The following DPY19L1 variants were observed in gnomAD, a reference collection of about 807,000 sequenced individuals.
The protein encoded by DPY19L1 is dpy-19 like C-mannosyltransferase 1.
Under a neutral mutation model 96.9 loss-of-function variants are expected in DPY19L1, and 35 were observed. The ratio of observed to expected loss-of-function variants is 0.36; its 90% CI spans 0.28 to 0.48. The LOEUF is 0.48. Among genes scored for constraint, DPY19L1 ranks in the 20% least tolerant of loss-of-function variants. DPY19L1 has a pLI of 0.99. For synonymous variants in DPY19L1, 205 were observed against 252.6 expected (o/e 0.81, Z 1.79); for missense variants, 521 against 777.9 (o/e 0.67, Z 3.93).
chr7:34,952,139 A>C (rs527652436), intron 13 of DPY19L1, among the ~76,000 whole-genome samples: 81 of 151,302 alleles, frequency 5.4e-4, no homozygotes, highest in African/African-American at 1.6e-3. Context: ...CAAAAAAAAA[A>C]CCCACAACAG....
chr7:34,931,243 G>C lies in DPY19L1; in HGVS notation c.*330C>G, dbSNP rs1279560310. ...AATCAGCCCCTACATTGTCAGAATT[G>C]TCCTGTATTTTCATGTCATCCTTGT... On this transcript the variant is annotated 3_prime_UTR_variant, in exon 22 of 22. Coordinates refer to ENST00000638088, the MANE Select transcript of DPY19L1 (RefSeq NM_001366673.1). 3 of 174,198 alleles carry C rather than the reference G, an allele frequency of 1.7e-5. No homozygotes were observed. Among genetic ancestry groups the C allele is most frequent in the African/African-American group, 7.1e-5 (3 of 42,272 alleles). 10.8% of individuals were successfully genotyped at this position (174,198 alleles called of 1,614,324 possible).
intron 7 of DPY19L1, among the ~76,000 whole-genome samples, chr7:34,973,872 AAAAGG>A (rs1391395361): frequency 2.3e-4 from 35 of 152,178 alleles, no homozygotes; most frequent in African/African-American, 1.9e-4. Context: ...ACTACATCTT[AAAAGG>A]AAAGGGAGGA....
At chr7:35,018,550 T>C (rs375661727) in intron 2 of DPY19L1, 22 bp downstream of exon 2, 9 of 1,601,986 alleles carry the variant, frequency 5.6e-6, no homozygotes, top group Non-Finnish European at 6.0e-6. Flanking sequence ...TAAAATACCA[T>C]AGGAGAAAAA....
chr7:35,016,201 A>G (rs1352134253), intron 3 of DPY19L1, among the ~76,000 whole-genome samples: 1 of 152,244 alleles, frequency 6.6e-6, no homozygotes, highest in Non-Finnish European at 1.5e-5. Flanking sequence ...GTCTGAGAAG[A>G]AAATGTCTTG....
At chr7:35,009,302 A>C (rs1191867105) in intron 6 of DPY19L1, among the ~76,000 whole-genome samples, 2 of 152,246 alleles carry the variant, frequency 1.3e-5, no homozygotes, top group African/African-American at 4.8e-5. Context: ...CAAATTGAAA[A>C]TCATATACAA....
At chr7:34,942,728 T>C in intron 16 of DPY19L1, 89 bp from the exon 17 acceptor site, 1 of 1,088,642 alleles carries the variant, frequency 9.2e-7, no homozygotes, top group Non-Finnish European at 1.4e-6. Flanking sequence ...ACAGGAGTTT[T>C]ACAACTTCTA....
chr7:34,984,038 A>G (rs1784996352), intron 7 of DPY19L1, among the ~76,000 whole-genome samples: 1 of 152,198 alleles, frequency 6.6e-6, no homozygotes. Flanking sequence ...AAGATAATGG[A>G]ATAGCATCTT....
intron 1 of DPY19L1, 90 bp from the exon 2 acceptor site, chr7:35,018,686 A>T: frequency 8.5e-7 from 1 of 1,182,282 alleles, no homozygotes; most frequent in Non-Finnish European, 1.2e-6. Context: ...CATGTCAAAT[A>T]TTGAAATGTG....
chr7:34,991,841 G>T (rs904999932), intron 6 of DPY19L1, among the ~76,000 whole-genome samples: 2 of 152,034 alleles, frequency 1.3e-5, no homozygotes, highest in Non-Finnish European at 2.9e-5. Context: ...CTAGCATAAA[G>T]ATTATTCCTA....
At chr7:34,976,236 A>G (rs970967110) in intron 7 of DPY19L1, among the ~76,000 whole-genome samples, 1 of 152,174 alleles carries the variant, frequency 6.6e-6, no homozygotes, top group Non-Finnish European at 1.5e-5. Context: ...CATTAATAGG[A>G]CTTTGGAAGT....
rs1786433975 is a variant in DPY19L1 at position 35,037,136 on chromosome 7, G to T, written c.259C>A (p.Arg87Ser). 5.0e-6 allele frequency: 1 copy of T among 199,098 alleles called. No homozygotes were observed. Among genetic ancestry groups the T allele is most frequent in the African/African-American group, 2.4e-5 (1 of 42,090 alleles). 12.3% of individuals were successfully genotyped at this position (199,098 alleles called of 1,614,324 possible). Residue 87 changes from arginine (R) to serine (S), a missense_variant, in exon 1 of 22, where the codon CGC becomes AGC. Physicochemically the swap from Arg to Ser is moderately radical, Grantham distance 110. Coordinates refer to ENST00000638088, the MANE Select transcript of DPY19L1 (RefSeq NM_001366673.1). ...ARLRWALGLR[R>S]AGRGRTWTTL... Reference sequence around the variant, plus strand: ...GTCCAGGTCCGGCCGCGCCCCGCGCGCCGCAGGCCCAGCGCCCAGCGCAGC... The same window carrying T: ...GTCCAGGTCCGGCCGCGCCCCGCGCTCCGCAGGCCCAGCGCCCAGCGCAGC...
chr7:34,990,344 A>T lies in DPY19L1; in HGVS notation c.765-403T>A, dbSNP rs544791239. On this transcript the variant is annotated intron_variant, in intron 6 of 21. Transcript: ENST00000638088. ...AGATGACATACATTAGGAAAAAGGG[A>T]GAGAAAGACGTGCAAGGAAAGGGAT... 7.9e-5 allele frequency among the ~76,000 whole-genome samples: 12 copies of T among 152,284 alleles called. No individual in the cohort carries two copies. The East Asian group carries it at 1.9e-3, about 24-fold the overall frequency.
At chr7:34,958,648 TA>T (rs970516966) in intron 10 of DPY19L1, among the ~76,000 whole-genome samples, 61 of 152,356 alleles carry the variant, frequency 4.0e-4, no homozygotes, top group Middle Eastern at 6.8e-3. Context: ...TACACATTTT[TA>T]AATTCAATAC....
intron 7 of DPY19L1, among the ~76,000 whole-genome samples, chr7:34,981,615 A>G (rs1314154194): frequency 6.6e-6 from 1 of 152,224 alleles, no homozygotes; most frequent in Non-Finnish European, 1.5e-5. Flanking sequence ...AGGTAATGCA[A>G]AGCAAAGGAC....
chr7:34,954,154 T>C (rs1215984050), intron 13 of DPY19L1, among the ~76,000 whole-genome samples: 1 of 152,216 alleles, frequency 6.6e-6, no homozygotes, highest in African/African-American at 2.4e-5. Flanking sequence ...AAAGCAATTA[T>C]GGACAGAGAG....
At chr7:34,985,001 G>C (rs1389223730) in intron 7 of DPY19L1, among the ~76,000 whole-genome samples, 1 of 152,118 alleles carries the variant, frequency 6.6e-6, no homozygotes, top group Non-Finnish European at 1.5e-5. Flanking sequence ...AAGTACCTGG[G>C]AAGAAGGGAC....
chr7:35,031,761 T>C (rs1482359277), intron 1 of DPY19L1, among the ~76,000 whole-genome samples: 1 of 152,194 alleles, frequency 6.6e-6, no homozygotes, highest in African/African-American at 2.4e-5. Flanking sequence ...CATCACATAT[T>C]CAGAAAACTT....
At chr7:34,976,271 T>A (rs1311278174) in intron 7 of DPY19L1, among the ~76,000 whole-genome samples, 1 of 152,196 alleles carries the variant, frequency 6.6e-6, no homozygotes, top group Admixed American at 6.5e-5. Flanking sequence ...ATGGGAGACT[T>A]AGATGGGCTC....
At chr7:34,943,809 T>C (rs1016999525) in intron 16 of DPY19L1, among the ~76,000 whole-genome samples, 34 of 152,162 alleles carry the variant, frequency 2.2e-4, no homozygotes, top group African/African-American at 5.6e-4. Context: ...AGCTGAAACT[T>C]TGTAGCTTCT....
Sources: gnomAD v4.1 joint callset for allele counts (sites outside exome capture counted in the v4.1 genomes callset) on GRCh38, gnomAD v4.1.1 for gene constraint, MANE v1.5 for transcripts, NCBI Gene and HGNC (gene_info 2026-07-23, HGNC 2026-07-21) for gene names.